FBXL17: variants seen among roughly 807,000 people sequenced by gnomAD.
The protein encoded by FBXL17 is F-box and leucine rich repeat protein 17, also known as F-box/LRR-repeat protein 17.
In FBXL17, 22 loss-of-function variants were observed where a neutral mutation model predicts 66.2. The observed-to-expected ratio is 0.33, with a 90% CI of 0.24 to 0.47. The LOEUF (loss-of-function observed/expected upper bound fraction) is 0.47. Ranked by LOEUF, FBXL17 falls within the 20% of genes least tolerant of loss-of-function variation. The pLI, the probability that FBXL17 is intolerant of heterozygous loss-of-function variation, is 1.00. For missense variants in FBXL17, 878 were observed against 948.2 expected (o/e 0.93, Z 0.97); for synonymous variants, 474 against 400.5 (o/e 1.18, Z -2.19).
intron 3 of FBXL17, among the ~76,000 whole-genome samples, chr5:108,357,286 G>C (rs1748059782): frequency 6.6e-6 from 1 of 151,980 alleles, no homozygotes; most frequent in Non-Finnish European, 1.5e-5. Flanking sequence ...ACTCCAGGAA[G>C]ACATAATAAT....
intron 2 of FBXL17, 35 bp downstream of exon 2, chr5:108,367,796 G>C: frequency 6.6e-7 from 1 of 1,525,710 alleles, no homozygotes; most frequent in Non-Finnish European, 8.8e-7. Context: ...TTTTGAGTAG[G>C]TCATATGAGT....
At chr5:108,352,282 T>A (rs73781336) in intron 3 of FBXL17, among the ~76,000 whole-genome samples, 10,480 of 152,260 alleles carry the variant, frequency 0.069, 1,223 homozygotes, top group African/African-American at 0.24. Context: ...ACAAATGTCC[T>A]AAGTTCCAGA....
At chr5:107,894,377 G>C (rs966267763) in intron 7 of FBXL17, among the ~76,000 whole-genome samples, 11 of 152,188 alleles carry the variant, frequency 7.2e-5, no homozygotes, top group Non-Finnish European at 1.6e-4. Context: ...CTGAGTGGGA[G>C]AGAAGCTTAC....
intron 4 of FBXL17, among the ~76,000 whole-genome samples, chr5:108,232,201 A>G (rs944596708): frequency 6.6e-6 from 1 of 152,226 alleles, no homozygotes; most frequent in African/African-American, 2.4e-5. Context: ...ATCATGTGAC[A>G]TAAGATTTAT....
At chr5:107,946,327 C>T (rs1346417179) in intron 7 of FBXL17, among the ~76,000 whole-genome samples, 1 of 115,536 alleles carries the variant, frequency 8.7e-6, no homozygotes, top group Non-Finnish European at 1.7e-5. Context: ...CAGAGTCTTG[C>T]TCTGCTGCCC....
chr5:108,094,094 A>C (rs1016581132), intron 6 of FBXL17, among the ~76,000 whole-genome samples: 2 of 152,134 alleles, frequency 1.3e-5, no homozygotes, highest in African/African-American at 4.8e-5. Context: ...CACAGTTAAA[A>C]AGTCTCGAGC....
chr5:107,962,884 T>C (rs1751975022), intron 7 of FBXL17, among the ~76,000 whole-genome samples: 1 of 152,078 alleles, frequency 6.6e-6, no homozygotes, highest in Non-Finnish European at 1.5e-5. Flanking sequence ...AGTATAAGGT[T>C]TGATAGAGAA....
chr5:107,920,036 C>A (rs970150922), intron 7 of FBXL17, among the ~76,000 whole-genome samples: 1 of 152,070 alleles, frequency 6.6e-6, no homozygotes. Context: ...GCCACAGTTG[C>A]AAAATGCATA....
At chr5:107,952,318 T>A (rs957986888) in intron 7 of FBXL17, among the ~76,000 whole-genome samples, 1 of 152,214 alleles carries the variant, frequency 6.6e-6, no homozygotes, top group Non-Finnish European at 1.5e-5. Context: ...AGTCTTGAAA[T>A]TAAAGTGGAT....
Position 108,186,264 on chromosome 5 carries a change from A to T in FBXL17, c.1615-17T>A. 6.2e-7 allele frequency: 1 copy of T among 1,603,518 alleles called. No homozygotes were observed. The highest frequency in any genetic ancestry group is 8.5e-7 in the Non-Finnish European group (1 of 1,173,876). ...GTTTCTTAGCTAATGAGATAAATAA[A>T]ATGAAAGATGAAAAAGGTAAATGCT... On this transcript the variant is annotated splice_polypyrimidine_tract_variant and intron_variant, in intron 5 of 8. Transcript: ENST00000542267.
intron 1 of FBXL17, among the ~76,000 whole-genome samples, chr5:108,370,144 G>A (rs1224207604): frequency 6.6e-6 from 1 of 152,146 alleles, no homozygotes; most frequent in East Asian, 1.9e-4. Flanking sequence ...ATATGTGCAG[G>A]CATGGGGAGA....
At chr5:108,379,612 G>T (rs1749698514) in intron 1 of FBXL17, among the ~76,000 whole-genome samples, 1 of 152,178 alleles carries the variant, frequency 6.6e-6, no homozygotes, top group African/African-American at 2.4e-5. Context: ...AGTTACTTCA[G>T]TAACGGTAAA....
intron 4 of FBXL17, among the ~76,000 whole-genome samples, chr5:108,230,515 A>C (rs1755284167): frequency 6.6e-6 from 1 of 152,192 alleles, no homozygotes; most frequent in Admixed American, 6.5e-5. Context: ...GTGGGAGCTA[A>C]GCTATGAGGA....
chr5:107,952,579 G>T (rs1751531138), intron 7 of FBXL17, among the ~76,000 whole-genome samples: 1 of 152,182 alleles, frequency 6.6e-6, no homozygotes, highest in Non-Finnish European at 1.5e-5. Context: ...GCACAAATGT[G>T]ATTGTCTTAT....
intron 4 of FBXL17, among the ~76,000 whole-genome samples, chr5:108,325,229 G>A (rs1759794333): frequency 6.6e-6 from 1 of 151,852 alleles, no homozygotes; most frequent in African/African-American, 2.4e-5. Flanking sequence ...TTATTTAAGA[G>A]ATAAAAAAAC....
intron 1 of FBXL17, among the ~76,000 whole-genome samples, chr5:108,375,353 G>T (rs916132577): frequency 7.9e-6 from 1 of 126,964 alleles, no homozygotes; most frequent in African/African-American, 2.9e-5. Flanking sequence ...TCAAGCCTGG[G>T]TGACAGAGAC....
chr5:108,050,880 A>G (rs181282899), intron 6 of FBXL17, among the ~76,000 whole-genome samples: 212 of 152,294 alleles, frequency 1.4e-3, no homozygotes, highest in Middle Eastern at 0.01. Context: ...GATGAAATCA[A>G]ATAGAAAAAA....
chr5:107,924,984 A>C (rs1012386423), intron 7 of FBXL17, among the ~76,000 whole-genome samples: 21 of 152,224 alleles, frequency 1.4e-4, no homozygotes, highest in Non-Finnish European at 3.1e-4. Context: ...TCAAGGACAA[A>C]GATTTTTATC....
At chr5:108,209,446 T>C (rs927208126) in intron 5 of FBXL17, among the ~76,000 whole-genome samples, 4 of 152,194 alleles carry the variant, frequency 2.6e-5, no homozygotes, top group Non-Finnish European at 5.9e-5. Context: ...CACTGTGGGT[T>C]TGTCATAAAT....
Sources: allele counts gnomAD v4.1 joint callset (sites outside exome capture counted in the v4.1 genomes callset), GRCh38; gene constraint gnomAD v4.1.1; transcripts MANE v1.5; gene names NCBI Gene and HGNC (gene_info 2026-07-23, HGNC 2026-07-21).